Variants in CSMD1 observed in about 807,000 individuals in gnomAD.
CSMD1 encodes CUB and sushi domain-containing protein 1.
CSMD1 carries 213 observed loss-of-function variants against 417.5 expected under a neutral mutation model. The observed-to-expected ratio is 0.51, with a 90% confidence interval of 0.46 to 0.57. The LOEUF (loss-of-function observed/expected upper bound fraction) is 0.57. CSMD1 is among the 20% of genes least tolerant of loss of function. The pLI is 0.00. For missense variants in CSMD1, 6,923 were observed against 4,529.7 expected (o/e 1.53, Z -15.17); for synonymous variants, 2,862 against 1,736.8 (o/e 1.65, Z -16.11).
chr8:3,966,133 G>C (rs1812665149), intron 5 of CSMD1, among the ~76,000 whole-genome samples: 1 of 152,164 alleles, frequency 6.6e-6, no homozygotes, highest in Admixed American at 6.5e-5. Flanking sequence ...TCCCATCCAT[G>C]CTACTTATAA....
intron 21 of CSMD1, among the ~76,000 whole-genome samples, chr8:3,349,192 C>A (rs1474448365): frequency 6.6e-6 from 1 of 152,190 alleles, no homozygotes; most frequent in African/African-American, 2.4e-5. Flanking sequence ...GAAGGATGCA[C>A]AGTATTCCTT....
chr8:3,845,626 T>G (rs904116313), intron 5 of CSMD1, among the ~76,000 whole-genome samples: 10 of 152,148 alleles, frequency 6.6e-5, no homozygotes, highest in African/African-American at 2.4e-4. Context: ...GCAGTGTACT[T>G]AGGCACACTA....
At chr8:3,258,751 C>A (rs908470626) in intron 26 of CSMD1, among the ~76,000 whole-genome samples, 4 of 152,134 alleles carry the variant, frequency 2.6e-5, no homozygotes, top group Non-Finnish European at 5.9e-5. Flanking sequence ...CCATGGAATA[C>A]TATGCAGCTT....
intron 1 of CSMD1, among the ~76,000 whole-genome samples, chr8:4,638,604 G>C (rs1347295207): frequency 6.6e-6 from 1 of 152,160 alleles, no homozygotes. Flanking sequence ...AGGGGACCAA[G>C]TAAAGAAAAG....
At chr8:4,785,765 T>G (rs1218335064) in intron 1 of CSMD1, among the ~76,000 whole-genome samples, 3 of 152,142 alleles carry the variant, frequency 2.0e-5, no homozygotes, top group Admixed American at 6.5e-5. Flanking sequence ...AATAGTACTT[T>G]TATTCTCCCG....
chr8:4,559,181 G>C (rs192392538), intron 2 of CSMD1, among the ~76,000 whole-genome samples: 2 of 152,092 alleles, frequency 1.3e-5, no homozygotes, highest in Non-Finnish European at 2.9e-5. Context: ...GTCAACTTAT[G>C]AGCATATGCT....
Position 3,711,524 on chromosome 8 carries a change from C to G in CSMD1, c.932-3033G>C, listed in dbSNP as rs1168779255. ...CGGAACTCTCAGAGAGGGACTTGCT[C>G]TGGTGCAACCACGGCACCTGGCGTC... On this transcript the variant is annotated intron_variant, in intron 6 of 69. Coordinates refer to ENST00000635120, the MANE Select transcript of CSMD1 (RefSeq NM_033225.6). 2.6e-5 allele frequency among the ~76,000 whole-genome samples: 4 copies of G among 152,220 alleles called. No homozygotes were observed. In the South Asian group the frequency reaches 8.3e-4, roughly 32 times the overall value.
At chr8:4,202,998 A>G (rs1313448364) in intron 3 of CSMD1, among the ~76,000 whole-genome samples, 1 of 152,118 alleles carries the variant, frequency 6.6e-6, no homozygotes, top group Admixed American at 6.5e-5. Context: ...CTGCATCGTA[A>G]TTCCCAGAAC....
chr8:3,397,969 G>A (rs1031682316), intron 16 of CSMD1, among the ~76,000 whole-genome samples: 1 of 152,146 alleles, frequency 6.6e-6, no homozygotes, highest in African/African-American at 2.4e-5. Context: ...TGTGTACTAT[G>A]TCTAGAGTAC....
At chr8:3,605,191 T>G (rs1409078862) in intron 8 of CSMD1, among the ~76,000 whole-genome samples, 1 of 152,300 alleles carries the variant, frequency 6.6e-6, no homozygotes, top group East Asian at 1.9e-4. Flanking sequence ...AGGGTTTCCC[T>G]GTTTTGACTA....
intron 37 of CSMD1, among the ~76,000 whole-genome samples, chr8:3,162,510 A>G (rs543683077): frequency 6.6e-6 from 1 of 152,286 alleles, no homozygotes; most frequent in African/African-American, 2.4e-5. Context: ...CAAGGCTTTG[A>G]TTTCAATAAC....
intron 7 of CSMD1, among the ~76,000 whole-genome samples, chr8:3,663,583 CT>C (rs951961634): frequency 7.2e-5 from 11 of 152,204 alleles, no homozygotes; most frequent in Admixed American, 3.3e-4. Flanking sequence ...AGCCACCCCT[CT>C]GCTCACTGAG....
At chr8:4,357,835 G>C (rs1343592915) in intron 3 of CSMD1, among the ~76,000 whole-genome samples, 1 of 152,080 alleles carries the variant, frequency 6.6e-6, no homozygotes, top group African/African-American at 2.4e-5. Flanking sequence ...AAATTTAAAA[G>C]TGTGAGTAAT....
At chr8:4,444,958 C>G (rs1043917843) in intron 2 of CSMD1, among the ~76,000 whole-genome samples, 2 of 152,170 alleles carry the variant, frequency 1.3e-5, no homozygotes, top group East Asian at 3.9e-4. Context: ...TGGGAAATCT[C>G]CACTGTGTTA....
chr8:3,990,869 G>C (rs1814689430), intron 5 of CSMD1, among the ~76,000 whole-genome samples: 4 of 152,242 alleles, frequency 2.6e-5, no homozygotes, highest in Admixed American at 2.6e-4. Context: ...TTCACAGAGA[G>C]CCACCTTCTT....
chr8:3,014,556 G>C (rs1266702523), intron 52 of CSMD1, among the ~76,000 whole-genome samples: 1 of 152,058 alleles, frequency 6.6e-6, no homozygotes, highest in Non-Finnish European at 1.5e-5. Context: ...AAATTCTCCT[G>C]GGCAGGAGAC....
At chr8:3,007,263 G>A (rs1323158984) in intron 52 of CSMD1, among the ~76,000 whole-genome samples, 1 of 151,426 alleles carries the variant, frequency 6.6e-6, no homozygotes, top group African/African-American at 2.5e-5. Flanking sequence ...TCATTAAAAA[G>A]TCAGGAAACA....
chr8:4,822,979 T>C (rs1382551409), intron 1 of CSMD1, among the ~76,000 whole-genome samples: 3 of 152,264 alleles, frequency 2.0e-5, no homozygotes, highest in South Asian at 4.1e-4. Flanking sequence ...TAGCAACCAT[T>C]TGGGAAATCC....
chr8:3,817,624 C>G (rs1351906129), intron 5 of CSMD1, among the ~76,000 whole-genome samples: 4 of 152,032 alleles, frequency 2.6e-5, no homozygotes, highest in African/African-American at 9.7e-5. Context: ...CAATATTCAT[C>G]TGGCATTTTA....
Sources: gnomAD v4.1 joint callset for allele counts (sites outside exome capture counted in the v4.1 genomes callset) on GRCh38, gnomAD v4.1.1 for gene constraint, MANE v1.5 for transcripts, NCBI Gene and HGNC (gene_info 2026-07-23, HGNC 2026-07-21) for gene names.